SGK1: variants seen among roughly 807,000 people sequenced by gnomAD.
The protein encoded by SGK1 is serine/threonine-protein kinase Sgk1.
Under a neutral mutation model 64.2 loss-of-function variants are expected in SGK1, and 26 were observed. That is an observed-to-expected ratio of 0.40 (90% CI 0.30 to 0.56). The LOEUF (loss-of-function observed/expected upper bound fraction) is 0.56, where lower values mean the gene tolerates loss of function less well. Ranked by LOEUF, SGK1 falls within the 20% of genes least tolerant of loss-of-function variation. The pLI is 0.38. For missense variants in SGK1, 519 were observed against 645.6 expected (o/e 0.80, Z 2.12); for synonymous variants, 265 against 239.7 (o/e 1.11, Z -0.98).
chr6:134,236,416 C>T (rs1311396556), intron 2 of SGK1, among the ~76,000 whole-genome samples: 1 of 152,050 alleles, frequency 6.6e-6, no homozygotes, highest in Non-Finnish European at 1.5e-5. Context: ...TGCTTGAGCC[C>T]AGGAGTTCAA....
At chr6:134,316,405 T>C (rs1319397459) in intron 1 of SGK1, among the ~76,000 whole-genome samples, 1 of 152,116 alleles carries the variant, frequency 6.6e-6, no homozygotes, top group Non-Finnish European at 1.5e-5. Flanking sequence ...GGGTATTAAA[T>C]AGGATGGGGC....
At chr6:134,273,541 C>G (rs993733489) in intron 1 of SGK1, among the ~76,000 whole-genome samples, 2 of 126,182 alleles carry the variant, frequency 1.6e-5, no homozygotes, top group African/African-American at 6.0e-5. Context: ...TGCAGTGAGC[C>G]GAGATCCCGC....
At position 134,171,711 on chromosome 6, in the gene SGK1, G is replaced by T. The variant is rs773226787; in HGVS notation, c.1093C>A (p.His365Asn). Reference protein sequence around the residue: ...TPEYLAPEVLHKQPYDRTVDW... With the variant: ...TPEYLAPEVLNKQPYDRTVDW... ...ACAGTCCTGTCATAAGGCTGCTTATGAAGCACCTCAGGTGCGAGATACTGA... is the reference window on the plus strand; with the variant it reads ...ACAGTCCTGTCATAAGGCTGCTTATTAAGCACCTCAGGTGCGAGATACTGA... Residue 365 changes from histidine to asparagine, a missense_variant, in exon 11 of 14, where the codon CAT (histidine) becomes AAT (asparagine). Physicochemically the swap from His to Asn is moderately conservative, Grantham distance 68. Transcript: ENST00000367858. The T allele has an allele frequency of 1.2e-6, 2 of 1,613,556 alleles. No homozygotes were observed. Among genetic ancestry groups the T allele is most frequent in the South Asian group, 2.2e-5 (2 of 91,054 alleles).
At chr6:134,170,590 T>G in intron 13 of SGK1, 155 bp from the exon 14 acceptor site, 3 of 726,880 alleles carry the variant, frequency 4.1e-6, no homozygotes, top group Non-Finnish European at 6.8e-6. Context: ...TACACACAGT[T>G]AAACATAAGA....
At chr6:134,242,021 G>T (rs1460122810) in intron 2 of SGK1, among the ~76,000 whole-genome samples, 1 of 152,180 alleles carries the variant, frequency 6.6e-6, no homozygotes, top group South Asian at 2.1e-4. Flanking sequence ...ACTGTCAGGA[G>T]TCCCAGAGGA....
intron 3 of SGK1, among the ~76,000 whole-genome samples, chr6:134,202,098 C>T (rs1775696340): frequency 6.6e-6 from 1 of 151,996 alleles, no homozygotes. Context: ...ATTACAGCAG[C>T]CAGTAAAAGA....
intron 3 of SGK1, among the ~76,000 whole-genome samples, chr6:134,193,220 T>C (rs1047394156): frequency 2.0e-5 from 3 of 152,212 alleles, no homozygotes; most frequent in Non-Finnish European, 1.5e-5. Flanking sequence ...GTTCACAAAC[T>C]GAAAACCTAA....
At chr6:134,225,076 C>A (rs113395165) in intron 2 of SGK1, among the ~76,000 whole-genome samples, 5 of 146,118 alleles carry the variant, frequency 3.4e-5, no homozygotes, top group Non-Finnish European at 7.5e-5. Context: ...TAGGCCGATG[C>A]GGTGGCTCAT....
At chr6:134,237,062 T>TTC (rs1776374755) in intron 2 of SGK1, among the ~76,000 whole-genome samples, 1 of 150,410 alleles carries the variant, frequency 6.6e-6, no homozygotes, top group South Asian at 2.1e-4. Context: ...CTTTTTCTTT[T>TTC]TTTTTTTTTT....
intron 3 of SGK1, among the ~76,000 whole-genome samples, chr6:134,185,850 A>C (rs1302929393): frequency 6.6e-6 from 1 of 152,056 alleles, no homozygotes. Context: ...AAGGCTGGAG[A>C]ACCTGATGTC....
chr6:134,229,324 T>C lies in SGK1; in HGVS notation c.286-21893A>G, dbSNP rs974045987. Among the ~76,000 whole-genome samples, 4 of 152,184 alleles carry C rather than the reference T, an allele frequency of 2.6e-5. No individual in the cohort carries two copies. The East Asian group carries it at 7.7e-4, about 29-fold the overall frequency. On this transcript the variant is annotated intron_variant, in intron 2 of 13. Transcript: ENST00000367858. ...TGTATCCTGGATTAGGTGGCAAAGG[T>C]ATTTGAAATAAAAATAAAGAATTTT...
rs377414812 is a variant in SGK1, at chr6:134,184,300, C to G, written c.362-9714G>C. ...GATCACGAGGTCAGGAGATCAAGAC[C>G]ATTCTGGCCAACATGGTGAAACCCC... On this transcript the variant is annotated intron_variant, in intron 3 of 13. Transcript: ENST00000367858. Among the ~76,000 whole-genome samples the G allele has an allele frequency of 4.0e-5, 6 of 151,736 alleles. No individual in the cohort carries two copies. The East Asian group carries it at 7.8e-4, about 20-fold the overall frequency.
chr6:134,239,770 C>A (rs958335020), intron 2 of SGK1, among the ~76,000 whole-genome samples: 1 of 152,158 alleles, frequency 6.6e-6, no homozygotes, highest in African/African-American at 2.4e-5. Flanking sequence ...GCAAATTAAG[C>A]CAGTGTTATC....
rs1231120717 is a variant in SGK1 at position 134,247,891 on chromosome 6, TATC to T, written c.285+14039_285+14041del. Among the ~76,000 whole-genome samples, 4 of 152,300 alleles carry T rather than the reference TATC, an allele frequency of 2.6e-5. No individual in the cohort carries two copies. The South Asian group carries it at 6.2e-4, about 24-fold the overall frequency. On this transcript the variant is annotated intron_variant, in intron 2 of 13. Transcript: ENST00000367858. ...CTCTCTGACTTGTCTAAATAAGTAT[TATC>T]ATTCATAATAACCATTACCAATCCA...
intron 1 of SGK1, among the ~76,000 whole-genome samples, chr6:134,275,800 TC>T (rs1466872618): frequency 2.0e-5 from 3 of 152,200 alleles, no homozygotes; most frequent in African/African-American, 7.2e-5. Context: ...AAGATTGTTC[TC>T]CTGAATCTTT....
intron 2 of SGK1, among the ~76,000 whole-genome samples, chr6:134,256,046 TA>T (rs1776678575): frequency 6.6e-6 from 1 of 152,094 alleles, no homozygotes; most frequent in African/African-American, 2.4e-5. Context: ...TCTTGGTAGA[TA>T]TTTTTCTTCA....
chr6:134,205,789 C>G (rs954845627), intron 3 of SGK1, among the ~76,000 whole-genome samples: 3 of 152,154 alleles, frequency 2.0e-5, no homozygotes, highest in African/African-American at 7.2e-5. Context: ...CTTGTAAAAG[C>G]GTGAGGCATA....
rs571745619 is a variant in SGK1, at chr6:134,283,976, C to T, written c.70-21828G>A. Reference sequence around the variant, plus strand: ...TTGGGTTTCAGGCATTAAATGAGTCCCTTCCTTATAGCTCTTTATCTCTTT... The same window carrying T: ...TTGGGTTTCAGGCATTAAATGAGTCTCTTCCTTATAGCTCTTTATCTCTTT... On this transcript the variant is annotated intron_variant, in intron 1 of 13. Coordinates refer to ENST00000367858, the MANE Select transcript of SGK1 (RefSeq NM_001143676.3). 4.0e-5 allele frequency among the ~76,000 whole-genome samples: 6 copies of T among 150,772 alleles called. No homozygotes were observed. In the South Asian group the frequency reaches 1.3e-3, roughly 32 times the overall value.
At chr6:134,238,306 C>T (rs960007618) in intron 2 of SGK1, among the ~76,000 whole-genome samples, 4 of 152,148 alleles carry the variant, frequency 2.6e-5, no homozygotes, top group South Asian at 4.1e-4. Flanking sequence ...TCTTGGAAAT[C>T]TAGTTCAACT....
Sources: allele counts gnomAD v4.1 joint callset (sites outside exome capture counted in the v4.1 genomes callset), GRCh38; gene constraint gnomAD v4.1.1; transcripts MANE v1.5; gene names NCBI Gene and HGNC (gene_info 2026-07-23, HGNC 2026-07-21).